The following TCTN1 variants were observed in gnomAD, a reference collection of about 807,000 sequenced individuals.
TCTN1 encodes tectonic-1.
A neutral mutation model predicts 65.8 loss-of-function variants in TCTN1; 58 were observed. The observed-to-expected ratio is 0.88, with a 90% CI of 0.71 to 1.10. The LOEUF is 1.10. Among genes scored for constraint, TCTN1 ranks in the 50% least tolerant of loss-of-function variants. The pLI, the probability that TCTN1 is intolerant of heterozygous loss-of-function variation, is 0.00. For synonymous variants in TCTN1, 273 were observed against 289.1 expected (o/e 0.94, Z 0.57); for missense variants, 645 against 719.4 (o/e 0.90, Z 1.18).
chr12:110,616,679 C>A lies in TCTN1; in HGVS notation c.220+2277C>A, dbSNP rs1301380467. On this transcript the variant is annotated intron_variant, in intron 1 of 14. Transcript: ENST00000397659. ...TATGATGTATCTCATTTAATCCTTA[C>A]AACAACCCCATGATGAGGGTACTGT... 3 of 152,694 alleles carry A rather than the reference C, an allele frequency of 2.0e-5. No individual in the cohort carries two copies. The East Asian group carries it at 5.7e-4, about 29-fold the overall frequency. 9.5% of individuals were successfully genotyped at this position (152,694 alleles called of 1,614,324 possible). A position where few individuals can be genotyped will look rare whatever the true frequency, so the allele number is the denominator to read the frequency against.
chr12:110,645,059 G>A lies in TCTN1; in HGVS notation c.1424G>A (p.Gly475Glu), dbSNP rs751822315. Residue 475 changes from glycine to glutamate, a missense_variant, in exon 12 of 15, where the codon GGA becomes GAA. By Grantham distance (98) the Gly-to-Glu change is moderately conservative (BLOSUM62 -2). Coordinates refer to ENST00000397659, the MANE Select transcript of TCTN1 (RefSeq NM_001082538.3). Reference protein sequence around the residue: ...QGFPDYVAPFGNSQAQDMLDW... With the variant: ...QGFPDYVAPFENSQAQDMLDW... Reference sequence around the variant, plus strand: ...TTCCCAGATTACGTGGCCCCTTTTGGAAATTCCCAGGCCCAGGACATGCTG... The same window carrying A: ...TTCCCAGATTACGTGGCCCCTTTTGAAAATTCCCAGGCCCAGGACATGCTG... 2 of 1,614,166 alleles carry A rather than the reference G, an allele frequency of 1.2e-6. No individual in the cohort carries two copies. Among genetic ancestry groups the A allele is most frequent in the Non-Finnish European group, 1.7e-6 (2 of 1,180,034 alleles).
At chr12:110,632,607 T>C in intron 5 of TCTN1, 48 bp downstream of exon 5, 1 of 1,598,624 alleles carries the variant, frequency 6.3e-7, no homozygotes, top group Non-Finnish European at 8.6e-7. Context: ...CTGTTATTAT[T>C]AGGTTGGTGG....
intron 12 of TCTN1, chr12:110,645,412 T>C (rs1202552114): frequency 4.5e-6 from 2 of 442,828 alleles, no homozygotes; most frequent in East Asian, 9.7e-5. Context: ...GTAACATTTA[T>C]GTGGCCCTGG....
chr12:110,620,303 G>C (rs2065333408), intron 2 of TCTN1, among the ~76,000 whole-genome samples: 1 of 152,028 alleles, frequency 6.6e-6, no homozygotes. Flanking sequence ...AGCTACTCGG[G>C]AGGCTGAGGC....
intron 3 of TCTN1, chr12:110,628,313 C>T (rs1469264619): frequency 9.5e-6 from 13 of 1,367,244 alleles, no homozygotes; most frequent in Non-Finnish European, 1.3e-5. Context: ...TTAAAAAATC[C>T]TGGGAGAAGT....
In TCTN1 at chr12:110,640,512, C is replaced by T. The variant is rs1432808181; in HGVS notation, c.973C>T (p.Leu325Phe). 1 of 1,614,178 alleles carries T rather than the reference C, an allele frequency of 6.2e-7. No individual in the cohort carries two copies. Among genetic ancestry groups the T allele is most frequent in the Non-Finnish European group, 8.5e-7 (1 of 1,180,036 alleles). ...CTTTAGCCTTTGCGTGAATGTTGTT[C>T]TTGAGGTAGGTGCCGAGTTTGGCTT... Reference protein sequence around the residue: ...GHFSLCVNVVLEVKYSLTYTD... With the variant: ...GHFSLCVNVVFEVKYSLTYTD... The change falls in exon 8 of 15, where the codon CTT becomes TTT. Residue 325 changes from leucine (L) to phenylalanine (F), a missense_variant. Physicochemically the swap from Leu to Phe is conservative, Grantham distance 22 (BLOSUM62 0). Transcript: ENST00000397659. This position sits in a 1 kb window ranked among gnomAD's most constrained non-coding sequence, Gnocchi z 4.9.
chr12:110,645,264 T>C (rs2067222451), intron 12 of TCTN1, 135 bp downstream of exon 12: 1 of 1,191,546 alleles, frequency 8.4e-7, no homozygotes, highest in East Asian at 2.6e-5. Context: ...TCTTGGATAC[T>C]GATTTTTGCC....
chr12:110,637,741 C>G (rs541224393), intron 7 of TCTN1, among the ~76,000 whole-genome samples: 1 of 152,208 alleles, frequency 6.6e-6, no homozygotes, highest in Admixed American at 6.5e-5. Context: ...GCTCTCACCT[C>G]CCTCCAACCC....
At chr12:110,646,903 GC>G in intron 12 of TCTN1, 1 of 418,634 alleles carries the variant, frequency 2.4e-6, no homozygotes, top group Non-Finnish European at 4.4e-6. Context: ...AGCAGTTATG[GC>G]CCTAAATGGT....
intron 2 of TCTN1, among the ~76,000 whole-genome samples, chr12:110,620,183 G>A (rs1419432772): frequency 2.4e-4 from 36 of 152,212 alleles, no homozygotes; most frequent in Middle Eastern, 3.4e-3. Flanking sequence ...TGAGGTGGGT[G>A]GATCACGAGG....
intron 12 of TCTN1, 82 bp downstream of exon 12, chr12:110,645,211 T>C (rs1192320507): frequency 1.3e-6 from 2 of 1,573,076 alleles, no homozygotes; most frequent in Non-Finnish European, 1.7e-6. Context: ...GGAAGCCAGC[T>C]GTTAAGGAGG....
chr12:110,636,694 C>T (rs2066594978), intron 7 of TCTN1, among the ~76,000 whole-genome samples, 193 bp downstream of exon 7: 1 of 152,148 alleles, frequency 6.6e-6, no homozygotes, highest in African/African-American at 2.4e-5. Context: ...CTGGGCTTCC[C>T]AGCTGCCTCT....
rs1015728590 is a variant in TCTN1, at chr12:110,622,417, C to T, written c.341+2461C>T. ...CACTCTCCTGCCTTCAAAGAGCTTA[C>T]CGTCGAGTAAGGGAGACAGAGGAGT... On this transcript the variant is annotated intron_variant, in intron 2 of 14. Coordinates refer to ENST00000397659, the MANE Select transcript of TCTN1 (RefSeq NM_001082538.3). Among the ~76,000 whole-genome samples, 13 of 152,262 alleles carry T rather than the reference C, an allele frequency of 8.5e-5. No individual in the cohort carries two copies. In the South Asian group the frequency reaches 1.0e-3, roughly 12 times the overall value.
chr12:110,640,440 C>A lies in TCTN1; in HGVS notation c.901C>A (p.Arg301=). 1 of 1,614,184 alleles carries A rather than the reference C, an allele frequency of 6.2e-7. No homozygotes were observed. The highest frequency in any genetic ancestry group is 1.3e-5 in the African/African-American group (1 of 75,040). ...IQSLNKTLTR[R]EDTDVLQPTL... ...GTCTCTAAATAAAACGCTCACCCGACGGGAGGACACTGATGTGCTGCAGCC... is the reference window on the plus strand; with the variant it reads ...GTCTCTAAATAAAACGCTCACCCGAAGGGAGGACACTGATGTGCTGCAGCC... Residue 301 remains arginine, a synonymous_variant, in exon 8 of 15, where the codon CGG becomes AGG. Transcript: ENST00000397659. The surrounding 1 kb of genome is among the most constrained non-coding windows in gnomAD (Gnocchi z 4.9).
chr12:110,634,598 T>C, intron 5 of TCTN1, 72 bp from the exon 6 acceptor site: 1 of 1,203,182 alleles, frequency 8.3e-7, no homozygotes, highest in Non-Finnish European at 1.2e-6. Context: ...AACTTTTTAG[T>C]TGCCATTGGA....
intron 14 of TCTN1, chr12:110,648,798 T>G: frequency 3.3e-6 from 1 of 306,218 alleles, no homozygotes; most frequent in Admixed American, 5.2e-5. Flanking sequence ...AAGAGAGAGT[T>G]TATTTTATAC....
In TCTN1 at chr12:110,614,342, C is replaced by T; in HGVS notation, c.160C>T (p.Pro54Ser). 1 of 1,606,872 alleles carries T rather than the reference C, an allele frequency of 6.2e-7. No homozygotes were observed. The highest frequency in any genetic ancestry group is 8.5e-7 in the Non-Finnish European group (1 of 1,177,440). The change falls in exon 1 of 15, where the codon CCC becomes TCC. Residue 54 changes from proline to serine, a missense_variant. Coordinates refer to ENST00000397659, the MANE Select transcript of TCTN1 (RefSeq NM_001082538.3). ...CGGAACTTTCCCGTCGACCAGGCCC[C>T]CCGGGACTCCCAGGGCTCCAGGGCC... ...TFGTFPSTRP[P>S]GTPRAPGPSS...
Position 110,619,948 on chromosome 12 carries a change from A to G in TCTN1, c.333A>G (p.Pro111=). The G allele has an allele frequency of 6.2e-7, 1 of 1,614,152 alleles. No individual in the cohort carries two copies. The highest frequency in any genetic ancestry group is 8.5e-7 in the Non-Finnish European group (1 of 1,180,036). The change falls in exon 2 of 15, where the codon CCA becomes CCG. Residue 111 remains proline (P), a synonymous_variant. Transcript: ENST00000397659. ...GTGTCTTTTCTGCCTGCTCAGTTCC[A>G]GTTGTCACGTAAGTTTACGTATGAC... ...DFSVFSACSV[P]VVTGDSQFCS...
chr12:110,642,509 T>TA, intron 11 of TCTN1, 120 bp downstream of exon 11: 1 of 1,384,384 alleles, frequency 7.2e-7, no homozygotes, highest in Non-Finnish European at 1.0e-6. Context: ...AAGCCACATA[T>TA]AGTATATCAT....
Sources: gnomAD v4.1 joint callset for allele counts (sites outside exome capture counted in the v4.1 genomes callset) on GRCh38, gnomAD v4.1.1 for gene constraint, Gnocchi (gnomAD v3.1) non-coding constraint, MANE v1.5 for transcripts, NCBI Gene and HGNC (gene_info 2026-07-23, HGNC 2026-07-21) for gene names.